The following PRICKLE2 variants were observed in gnomAD, a reference collection of about 807,000 sequenced individuals.
PRICKLE2 encodes the protein prickle planar cell polarity protein 2, also known as prickle-like protein 2.
In PRICKLE2, 21 loss-of-function variants were observed where a neutral mutation model predicts 81.4. That is an observed-to-expected ratio of 0.26 (90% CI 0.18 to 0.37). The LOEUF is 0.37. Among genes scored for constraint, PRICKLE2 ranks in the 10% least tolerant of loss-of-function variants. PRICKLE2 has a pLI of 1.00. For synonymous variants in PRICKLE2, 456 were observed against 421.5 expected, an observed-to-expected ratio of 1.08 and a Z score of -1.00; for missense variants, 940 against 1,109.0, an observed-to-expected ratio of 0.85 and a Z score of 2.16.
chr3:64,099,814 C>G lies in PRICKLE2; in HGVS notation c.1772G>C (p.Gly591Ala), dbSNP rs2076626131. 6.2e-7 allele frequency: 1 copy of G among 1,614,040 alleles called. No individual in the cohort carries two copies. Among genetic ancestry groups the G allele is most frequent in the Non-Finnish European group, 8.5e-7 (1 of 1,180,032 alleles). ...GAACTGCATGGACGAGTTAAGAGTG[C>G]CCATGTTGCTCAGCTTCTCAGACAC... ...MNVSEKLSNM[G>A]TLNSSMQFRS... The change falls in exon 8 of 8, where the codon GGC becomes GCC. Residue 591 changes from glycine to alanine, a missense_variant. Around this residue, in one of 2 missense-constraint regions of PRICKLE2, gnomAD observed 670 missense variants for 717.2 expected, o/e 0.93. Coordinates refer to ENST00000638394, the MANE Select transcript of PRICKLE2 (RefSeq NM_198859.4). This position sits in a 1 kb window ranked among gnomAD's most constrained non-coding sequence, Gnocchi z 4.3.
At chr3:64,167,153 A>C (rs1380343838) in intron 2 of PRICKLE2, among the ~76,000 whole-genome samples, 1 of 152,222 alleles carries the variant, frequency 6.6e-6, no homozygotes, top group Non-Finnish European at 1.5e-5. Flanking sequence ...AAAATCCTGC[A>C]GATTGTTCAT....
intron 2 of PRICKLE2, among the ~76,000 whole-genome samples, chr3:64,261,847 A>T (rs1200623216): frequency 6.6e-6 from 1 of 152,118 alleles, no homozygotes; most frequent in East Asian, 1.9e-4. Context: ...TTTTGTCCTT[A>T]TTGCAATGAG....
At chr3:64,198,183 G>C (rs1052311599) in intron 2 of PRICKLE2, among the ~76,000 whole-genome samples, 10 of 151,608 alleles carry the variant, frequency 6.6e-5, no homozygotes, top group African/African-American at 2.4e-4. Context: ...CTGCACTCCA[G>C]CCTGGGCGAC....
intron 1 of PRICKLE2, among the ~76,000 whole-genome samples, chr3:64,215,804 T>G (rs1002001687): frequency 6.6e-6 from 1 of 152,232 alleles, no homozygotes; most frequent in Non-Finnish European, 1.5e-5. Flanking sequence ...ACCATAACTA[T>G]AGTGTAGTAA....
At chr3:64,199,777 G>C (rs984476473) in intron 1 of PRICKLE2, 5 of 152,122 alleles carry the variant, frequency 3.3e-5, no homozygotes, top group Admixed American at 3.3e-4. Context: ...GTTGATGTCA[G>C]CAACACAAAA....
intron 7 of PRICKLE2, among the ~76,000 whole-genome samples, chr3:64,108,337 C>G (rs1047177669): frequency 1.3e-5 from 2 of 152,126 alleles, no homozygotes; most frequent in Non-Finnish European, 2.9e-5. Flanking sequence ...GCATGTGTGG[C>G]GGTAGCTTGA....
At chr3:64,265,276 T>G (rs1041326862) in intron 2 of PRICKLE2, among the ~76,000 whole-genome samples, 8 of 152,150 alleles carry the variant, frequency 5.3e-5, no homozygotes, top group African/African-American at 1.9e-4. Flanking sequence ...CAAAGAAACT[T>G]TTTTGGAACA....
intron 2 of PRICKLE2, among the ~76,000 whole-genome samples, chr3:64,253,638 C>G (rs1348095329): frequency 2.0e-5 from 3 of 152,180 alleles, no homozygotes. Flanking sequence ...ATTTGGAAGG[C>G]AACCATGAGA....
rs1374368880 is a variant in PRICKLE2 at position 64,095,763 on chromosome 3, AAAGG to A, written c.*3284_*3287del. On this transcript the variant is annotated 3_prime_UTR_variant, in exon 8 of 8. Coordinates refer to ENST00000638394, the MANE Select transcript of PRICKLE2 (RefSeq NM_198859.4). ...CATTTGCTCGACTGGTTGGGGGTAGAAAGGAAGGAATAAAAAATAAAAGGTGAAA... is the reference window on the plus strand; with the variant it reads ...CATTTGCTCGACTGGTTGGGGGTAGAAAGGAATAAAAAATAAAAGGTGAAA... 1 of 152,196 alleles carries A rather than the reference AAAGG, an allele frequency of 6.6e-6. No individual in the cohort carries two copies. Among genetic ancestry groups the A allele is most frequent in the Non-Finnish European group, 1.5e-5 (1 of 68,040 alleles). The allele number at this position is 152,196 out of a possible 1,614,324, so 9.4% of individuals were successfully genotyped here. A position where few individuals can be genotyped will look rare whatever the true frequency, so the allele number is the denominator to read the frequency against.
chr3:64,110,633 T>C (rs1181097538), intron 7 of PRICKLE2, among the ~76,000 whole-genome samples: 1 of 151,876 alleles, frequency 6.6e-6, no homozygotes, highest in Non-Finnish European at 1.5e-5. Flanking sequence ...ACCTAAAGGA[T>C]GAGAAGGAGC....
At chr3:64,154,703 A>C (rs1449788678) in intron 5 of PRICKLE2, 1 of 152,250 alleles carries the variant, frequency 6.6e-6, no homozygotes, top group African/African-American at 2.4e-5. Context: ...AAAATAACGT[A>C]GACTTCATCA....
At chr3:64,207,654 G>T in intron 1 of PRICKLE2, among the ~76,000 whole-genome samples, 1 of 152,052 alleles carries the variant, frequency 6.6e-6, no homozygotes, top group Non-Finnish European at 1.5e-5. Flanking sequence ...TAATGTAAAA[G>T]ATACCTCCAA....
intron 6 of PRICKLE2, among the ~76,000 whole-genome samples, chr3:64,148,351 TTTACA>T (rs542557686): frequency 6.6e-6 from 1 of 152,338 alleles, no homozygotes; most frequent in African/African-American, 2.4e-5. Flanking sequence ...TTAATACCGC[TTTACA>T]TTACAACAGT....
intron 2 of PRICKLE2, among the ~76,000 whole-genome samples, chr3:64,231,950 C>T (rs1037993516): frequency 4.6e-5 from 7 of 152,024 alleles, no homozygotes; most frequent in South Asian, 2.1e-4. Flanking sequence ...AAAACAAAAA[C>T]GAAAACAAAA....
chr3:64,267,091 G>C (rs1456015740), intron 2 of PRICKLE2, among the ~76,000 whole-genome samples: 2 of 152,016 alleles, frequency 1.3e-5, no homozygotes, highest in African/African-American at 4.8e-5. Flanking sequence ...GATTATTTTG[G>C]TTTTAAAATT....
intron 1 of PRICKLE2, among the ~76,000 whole-genome samples, chr3:64,209,948 G>A (rs905184329): frequency 1.2e-4 from 18 of 152,146 alleles, no homozygotes; most frequent in African/African-American, 3.9e-4. Flanking sequence ...ATCAGAGTAC[G>A]AGTTTTCCCG....
intron 7 of PRICKLE2, among the ~76,000 whole-genome samples, chr3:64,142,370 G>A (rs1029197683): frequency 2.0e-5 from 3 of 148,814 alleles, no homozygotes; most frequent in African/African-American, 7.4e-5. Flanking sequence ...GGGTGCAGTG[G>A]TGTGATCCTG....
intron 2 of PRICKLE2, among the ~76,000 whole-genome samples, chr3:64,243,323 C>T (rs1047070452): frequency 6.6e-6 from 1 of 152,204 alleles, no homozygotes; most frequent in African/African-American, 2.4e-5. Context: ...GCATGGTGTT[C>T]AGCAGTACCC....
chr3:64,107,155 T>C (rs775400941), intron 7 of PRICKLE2, among the ~76,000 whole-genome samples: 7 of 152,088 alleles, frequency 4.6e-5, no homozygotes, highest in Non-Finnish European at 1.0e-4. Flanking sequence ...GCTGTGCTTC[T>C]ACAAAGAGAG....
Sources: gnomAD v4.1 joint callset for allele counts (sites outside exome capture counted in the v4.1 genomes callset) on GRCh38, gnomAD v4.1.1 for gene constraint, gnomAD v4.1.1 regional missense constraint, Gnocchi (gnomAD v3.1) non-coding constraint, MANE v1.5 for transcripts, NCBI Gene and HGNC (gene_info 2026-07-23, HGNC 2026-07-21) for gene names.